The following PTPRM variants were observed in gnomAD, a reference collection of about 807,000 sequenced individuals.
PTPRM encodes receptor-type tyrosine-protein phosphatase mu.
In PTPRM, 47 loss-of-function variants were observed where a neutral mutation model predicts 186.7. The observed-to-expected ratio is 0.25, with a 90% CI of 0.20 to 0.32. PTPRM has a LOEUF of 0.32. Among genes scored for constraint, PTPRM ranks in the 10% least tolerant of loss-of-function variants. The pLI, the probability that PTPRM is intolerant of heterozygous loss-of-function variation, is 1.00. For missense variants in PTPRM, 1,494 were observed against 1,865.0 expected (o/e 0.80, Z 3.66); for synonymous variants, 668 against 674.9 (o/e 0.99, Z 0.16).
chr18:7,626,245 A>G (rs2038059472), intron 1 of PTPRM, among the ~76,000 whole-genome samples: 2 of 152,232 alleles, frequency 1.3e-5, no homozygotes, highest in South Asian at 4.1e-4. Context: ...AGGTAATATG[A>G]CATAGGAAAT....
At chr18:7,797,675 G>A (rs1205946929) in intron 2 of PTPRM, among the ~76,000 whole-genome samples, 1 of 151,856 alleles carries the variant, frequency 6.6e-6, no homozygotes, top group Non-Finnish European at 1.5e-5. Flanking sequence ...ATGTGGGAAA[G>A]CAGCACCCAG....
intron 20 of PTPRM, among the ~76,000 whole-genome samples, chr18:8,296,742 A>G (rs540311261): frequency 1.3e-5 from 2 of 152,346 alleles, no homozygotes; most frequent in South Asian, 2.1e-4. Flanking sequence ...AGTAAACATT[A>G]TAGTCCTAAT....
chr18:7,826,235 G>A (rs1243768021), intron 2 of PTPRM, among the ~76,000 whole-genome samples: 2 of 152,216 alleles, frequency 1.3e-5, no homozygotes, highest in African/African-American at 4.8e-5. Flanking sequence ...ATCTCCATAT[G>A]TGAGATTTAT....
rs1242351252 is a variant in PTPRM, at chr18:8,289,575, TACATATATATATAC to T, written c.2755-6775_2755-6762del. ...ACATATATATACACATATATATATATACATATATATATACACATATATATATACACACATATATA... is the reference window on the plus strand; with the variant it reads ...ACATATATATACACATATATATATATACATATATATATACACACATATATA... On this transcript the variant is annotated intron_variant, in intron 19 of 32. Coordinates refer to ENST00000580170, the MANE Select transcript of PTPRM (RefSeq NM_001105244.2). Among the ~76,000 whole-genome samples the T allele has an allele frequency of 3.7e-4, 40 of 109,210 alleles. 1 individual carries two copies. Among genetic ancestry groups the T allele is most frequent in the Admixed American group, 2.6e-3 (28 of 10,784 alleles). The allele number at this position is 109,210 out of a possible 152,430, so 71.6% of individuals were successfully genotyped here. A position where few individuals can be genotyped will look rare whatever the true frequency, so the allele number is the denominator to read the frequency against.
At chr18:7,919,413 AATC>A (rs1199156050) in intron 4 of PTPRM, among the ~76,000 whole-genome samples, 1 of 152,116 alleles carries the variant, frequency 6.6e-6, no homozygotes, top group Non-Finnish European at 1.5e-5. Context: ...TATTGAAACA[AATC>A]ATAACAGAAA....
intron 20 of PTPRM, among the ~76,000 whole-genome samples, chr18:8,307,380 C>G (rs529167394): frequency 6.6e-6 from 1 of 152,278 alleles, no homozygotes; most frequent in South Asian, 2.1e-4. Context: ...TGAGACTTAC[C>G]CCACGCTCAC....
chr18:8,194,026 C>A (rs745662381), intron 14 of PTPRM, among the ~76,000 whole-genome samples: 8 of 152,228 alleles, frequency 5.3e-5, no homozygotes, highest in Non-Finnish European at 1.5e-5. Flanking sequence ...ATGTCACACT[C>A]CTACAAAGAT....
At chr18:7,794,029 G>A (rs2145241739) in intron 2 of PTPRM, among the ~76,000 whole-genome samples, 1 of 152,276 alleles carries the variant, frequency 6.6e-6, no homozygotes, top group East Asian at 1.9e-4. Context: ...AGGAGAGCCT[G>A]GGCCACTAAG....
chr18:7,985,050 T>TGTATATACATATATAA, intron 7 of PTPRM, among the ~76,000 whole-genome samples: 3 of 127,080 alleles, frequency 2.4e-5, no homozygotes, highest in Non-Finnish European at 1.6e-5. Flanking sequence ...TACATATAAT[T>TGTATATACATATATAA]ATATATACAT....
chr18:8,348,442 A>G (rs959475570), intron 23 of PTPRM, among the ~76,000 whole-genome samples: 4 of 152,120 alleles, frequency 2.6e-5, no homozygotes, highest in Admixed American at 6.5e-5. Context: ...TGTCACCACC[A>G]TGCCTCCCCT....
At chr18:7,900,448 G>C (rs2049602188) in intron 3 of PTPRM, among the ~76,000 whole-genome samples, 1 of 152,108 alleles carries the variant, frequency 6.6e-6, no homozygotes, top group Admixed American at 6.5e-5. Flanking sequence ...TAAACTTGAT[G>C]CTGTCAAAAC....
intron 23 of PTPRM, among the ~76,000 whole-genome samples, chr18:8,368,183 G>C (rs1208181880): frequency 2.0e-5 from 3 of 150,996 alleles, no homozygotes; most frequent in African/African-American, 4.9e-5. Flanking sequence ...CCAATATACA[G>C]AAGAATCTAG....
At chr18:7,577,393 G>T (rs996933774) in intron 1 of PTPRM, among the ~76,000 whole-genome samples, 10 of 152,118 alleles carry the variant, frequency 6.6e-5, no homozygotes, top group Non-Finnish European at 8.8e-5. Flanking sequence ...ACTCTAGGGG[G>T]ATTTGATTTA....
chr18:8,024,375 C>G (rs2147995209), intron 7 of PTPRM, among the ~76,000 whole-genome samples: 1 of 152,230 alleles, frequency 6.6e-6, no homozygotes, highest in South Asian at 2.1e-4. Context: ...GGCTGTCATT[C>G]TTACTGCCCC....
chr18:7,946,432 G>T lies in PTPRM; in HGVS notation c.664-2749G>T, dbSNP rs374720482. Among the ~76,000 whole-genome samples the T allele has an allele frequency of 2.6e-4, 40 of 152,258 alleles. No individual in the cohort carries two copies. In the South Asian group the frequency reaches 8.1e-3, roughly 31 times the overall value. Reference sequence around the variant, plus strand: ...TACAGATATGCAATCTGCCTTTATGGCTTAATTTCTTTTCCCTTCAAAAAC... The same window carrying T: ...TACAGATATGCAATCTGCCTTTATGTCTTAATTTCTTTTCCCTTCAAAAAC... On this transcript the variant is annotated intron_variant, in intron 5 of 32. Transcript: ENST00000580170.
At chr18:8,395,165 A>G (rs2095839675) in intron 32 of PTPRM, among the ~76,000 whole-genome samples, 1 of 151,994 alleles carries the variant, frequency 6.6e-6, no homozygotes. Context: ...TTGAAATGCC[A>G]ACCACCGTGA....
chr18:8,069,285 T>C (rs992691399), intron 7 of PTPRM, among the ~76,000 whole-genome samples: 1 of 152,182 alleles, frequency 6.6e-6, no homozygotes, highest in Non-Finnish European at 1.5e-5. Context: ...TCCTTCATCA[T>C]TGCTTTGAAT....
chr18:8,028,804 G>A (rs145334821), intron 7 of PTPRM, among the ~76,000 whole-genome samples: 26 of 152,326 alleles, frequency 1.7e-4, no homozygotes, highest in African/African-American at 6.0e-4. Flanking sequence ...AGAGCACGAC[G>A]AGGAAGATGA....
chr18:7,904,979 C>A (rs1006513679), intron 3 of PTPRM, among the ~76,000 whole-genome samples: 8 of 151,932 alleles, frequency 5.3e-5, no homozygotes, highest in African/African-American at 1.9e-4. Flanking sequence ...TTCTTTCTTT[C>A]TTTCCTTTTT....
Sources: allele counts gnomAD v4.1 joint callset (sites outside exome capture counted in the v4.1 genomes callset), GRCh38; gene constraint gnomAD v4.1.1; transcripts MANE v1.5; gene names NCBI Gene and HGNC (gene_info 2026-07-23, HGNC 2026-07-21).